PCDHGA12: variants seen among roughly 807,000 people sequenced by gnomAD.
PCDHGA12 encodes the protein protocadherin gamma subfamily A, 12.
Under a neutral mutation model 61.1 loss-of-function variants are expected in PCDHGA12, and 43 were observed. The ratio of observed to expected loss-of-function variants is 0.70; its 90% CI spans 0.55 to 0.91. PCDHGA12 has a LOEUF of 0.91. PCDHGA12 is among the 40% of genes least tolerant of loss of function. PCDHGA12 has a pLI of 0.00. For missense variants in PCDHGA12, 1,236 were observed against 1,227.7 expected (o/e 1.01, Z -0.10); for synonymous variants, 520 against 542.9 (o/e 0.96, Z 0.59).
In PCDHGA12 at chr5:141,432,172, C is replaced by G. The variant is rs562175068; in HGVS notation, c.1413C>G (p.Leu471=). Residue 471 remains leucine, a synonymous_variant, in exon 1 of 4, where the codon CTC becomes CTG. Transcript: ENST00000252085. This position sits in a 1 kb window ranked among gnomAD's most constrained non-coding sequence, Gnocchi z 6.0. ...AGAACAATCCCAGAGGAGTTTCCCTCGTCTCTGTGACCGCCCACGACCCCG... is the reference window on the plus strand; with the variant it reads ...AGAACAATCCCAGAGGAGTTTCCCTGGTCTCTGTGACCGCCCACGACCCCG... ...IPENNPRGVS[L]VSVTAHDPDC... is the part of the protein sequence containing the mutation. 9 of 1,614,034 alleles carry G rather than the reference C, an allele frequency of 5.6e-6. No homozygotes were observed. The highest frequency in any genetic ancestry group is 7.6e-6 in the Non-Finnish European group (9 of 1,180,046).
At chr5:141,478,644 T>G in intron 1 of PCDHGA12, 1 of 1,552,238 alleles carries the variant, frequency 6.4e-7, no homozygotes, top group South Asian at 1.2e-5. Context: ...GATGAAGATG[T>G]TTTCCTGGTG....
At chr5:141,449,948 C>T (rs1294423807) in intron 1 of PCDHGA12, among the ~76,000 whole-genome samples, 1 of 151,034 alleles carries the variant, frequency 6.6e-6, no homozygotes, top group Non-Finnish European at 1.5e-5. Context: ...TTTTACTATA[C>T]CTCATAGTAA....
chr5:141,486,211 T>C lies in PCDHGA12; in HGVS notation c.2425-8596T>C, dbSNP rs779905477. On this transcript the variant is annotated intron_variant, in intron 1 of 3. Coordinates refer to ENST00000252085, the MANE Select transcript of PCDHGA12 (RefSeq NM_003735.3). The surrounding 1 kb of genome is among the most constrained non-coding windows in gnomAD (Gnocchi z 5.0). ...TGGATCTGCTGGACGTAAATGACAA[T>C]GCCCCTTACATCACAGTGACCTCAG... 6.2e-7 allele frequency: 1 copy of C among 1,614,142 alleles called. No homozygotes were observed. Among genetic ancestry groups the C allele is most frequent in the Non-Finnish European group, 8.5e-7 (1 of 1,180,024 alleles).
Position 141,476,383 on chromosome 5 carries a change from C to T in PCDHGA12, c.2425-18424C>T, listed in dbSNP as rs547854431. The T allele has an allele frequency of 6.2e-7, 1 of 1,613,984 alleles. No homozygotes were observed. The highest frequency in any genetic ancestry group is 8.5e-7 in the Non-Finnish European group (1 of 1,180,044). On this transcript the variant is annotated intron_variant, in intron 1 of 3. Coordinates refer to ENST00000252085, the MANE Select transcript of PCDHGA12 (RefSeq NM_003735.3). This position sits in a 1 kb window ranked among gnomAD's most constrained non-coding sequence, Gnocchi z 7.6. ...GGGAGACCGGAGAGATGTTTGTGAA[C>T]GACCGTCTGGATCGAGAGGAGCTGT...
At position 141,487,339 on chromosome 5, in the gene PCDHGA12, A is replaced by T; in HGVS notation, c.2425-7468A>T. On this transcript the variant is annotated intron_variant, in intron 1 of 3. Coordinates refer to ENST00000252085, the MANE Select transcript of PCDHGA12 (RefSeq NM_003735.3). The surrounding 1 kb of genome is among the most constrained non-coding windows in gnomAD (Gnocchi z 5.0). ...AGTGTCTTCGTGGGGCAGCCTGTGG[A>T]GTCACATGCTTTCCTGCTGGCACCT... The T allele has an allele frequency of 1.9e-6, 3 of 1,614,096 alleles. No individual in the cohort carries two copies. Among genetic ancestry groups the T allele is most frequent in the Non-Finnish European group, 2.5e-6 (3 of 1,180,000 alleles).
Position 141,486,443 on chromosome 5 carries a change from A to G in PCDHGA12, c.2425-8364A>G, listed in dbSNP as rs747419698. Reference sequence around the variant, plus strand: ...AGAGGCCAAATCTAGCTATGACATCATGGTCACTGCTTCTGATGCTGGGAA... The same window carrying G: ...AGAGGCCAAATCTAGCTATGACATCGTGGTCACTGCTTCTGATGCTGGGAA... On this transcript the variant is annotated intron_variant, in intron 1 of 3. Transcript: ENST00000252085. The surrounding 1 kb of genome is among the most constrained non-coding windows in gnomAD (Gnocchi z 5.0). The G allele has an allele frequency of 1.9e-6, 3 of 1,614,060 alleles. No individual in the cohort carries two copies. Among genetic ancestry groups the G allele is most frequent in the South Asian group, 2.2e-5 (2 of 91,080 alleles).
At chr5:141,475,282 G>C (rs942761003) in intron 1 of PCDHGA12, among the ~76,000 whole-genome samples, 2 of 152,150 alleles carry the variant, frequency 1.3e-5, no homozygotes, top group African/African-American at 4.8e-5. Context: ...TGAAAGACAG[G>C]GTAGGGAAAT....
Position 141,489,323 on chromosome 5 carries a change from C to T in PCDHGA12, c.2425-5484C>T, listed in dbSNP as rs746520513. 1 of 1,601,632 alleles carries T rather than the reference C, an allele frequency of 6.2e-7. No individual in the cohort carries two copies. Among genetic ancestry groups the T allele is most frequent in the Non-Finnish European group, 8.5e-7 (1 of 1,172,950 alleles). ...TCCTTGTGCTGCTGGGGCTGGGTGT[C>T]TGGGCAGCTTCGTTACTCAGTGGTG... On this transcript the variant is annotated intron_variant, in intron 1 of 3. Coordinates refer to ENST00000252085, the MANE Select transcript of PCDHGA12 (RefSeq NM_003735.3). The surrounding 1 kb of genome is among the most constrained non-coding windows in gnomAD (Gnocchi z 4.5).
intron 1 of PCDHGA12, among the ~76,000 whole-genome samples, chr5:141,492,632 C>T (rs1359761285): frequency 1.3e-5 from 2 of 152,256 alleles, no homozygotes; most frequent in Admixed American, 1.3e-4. Context: ...CAGGACTCTA[C>T]GATCCTTGGG....
At chr5:141,462,540 TTTC>T (rs2099042260) in intron 1 of PCDHGA12, among the ~76,000 whole-genome samples, 1 of 152,204 alleles carries the variant, frequency 6.6e-6, no homozygotes, top group East Asian at 1.9e-4. Flanking sequence ...TCAGTGATCT[TTTC>T]TTCTTCAGTG....
chr5:141,437,945 C>A (rs1204633193), intron 1 of PCDHGA12, among the ~76,000 whole-genome samples: 1 of 152,112 alleles, frequency 6.6e-6, no homozygotes, highest in Non-Finnish European at 1.5e-5. Flanking sequence ...ACCATATTGG[C>A]CAGAATGGTC....
chr5:141,450,826 A>ATTTTT (rs764729742), intron 1 of PCDHGA12, among the ~76,000 whole-genome samples: 2 of 134,302 alleles, frequency 1.5e-5, no homozygotes, highest in African/African-American at 2.9e-5. Flanking sequence ...TATTATTATT[A>ATTTTT]TTATTTTTTT....
rs146734417 is a variant in PCDHGA12, at chr5:141,431,409, G to T, written c.650G>T (p.Gly217Val). The T allele has an allele frequency of 1.9e-6, 3 of 1,613,722 alleles. No homozygotes were observed. Among genetic ancestry groups the T allele is most frequent in the Non-Finnish European group, 2.5e-6 (3 of 1,180,048 alleles). The change falls in exon 1 of 4, where the codon GGG becomes GTG. Residue 217 changes from glycine (G) to valine (V), a missense_variant. Gly to Val is a moderately radical substitution (Grantham distance 109, BLOSUM62 -3). Transcript: ENST00000252085. This position sits in a 1 kb window ranked among gnomAD's most constrained non-coding sequence, Gnocchi z 4.8. The part of the protein sequence containing the change: ...AHHLVLTASD[G>V]GDPVRTGTAR... Reference sequence around the variant, plus strand: ...CACCTGGTCCTTACGGCCTCCGACGGGGGCGACCCGGTGCGCACAGGCACC... The same window carrying T: ...CACCTGGTCCTTACGGCCTCCGACGTGGGCGACCCGGTGCGCACAGGCACC...
At chr5:141,496,402 G>T (rs551923899) in intron 2 of PCDHGA12, among the ~76,000 whole-genome samples, 183 of 152,248 alleles carry the variant, frequency 1.2e-3, no homozygotes, top group African/African-American at 4.0e-3. Flanking sequence ...CCTCCTCAAT[G>T]GTTGAGTACT....
At chr5:141,510,860 G>A (rs1274817106) in intron 3 of PCDHGA12, 87 bp from the exon 4 acceptor site, 11 of 1,606,558 alleles carry the variant, frequency 6.8e-6, no homozygotes, top group South Asian at 4.4e-5. Context: ...GTGCTGTATA[G>A]GCATTCATTA....
intron 1 of PCDHGA12, among the ~76,000 whole-genome samples, chr5:141,492,418 C>T (rs1428695013): frequency 2.0e-5 from 3 of 152,236 alleles, no homozygotes; most frequent in Admixed American, 1.3e-4. Flanking sequence ...CCGCTCCCTC[C>T]GCCGGGCTCA....
Position 141,512,160 on chromosome 5 carries a change from G to A in PCDHGA12, c.*987G>A, listed in dbSNP as rs1227447365. On this transcript the variant is annotated 3_prime_UTR_variant, in exon 4 of 4. Coordinates refer to ENST00000252085, the MANE Select transcript of PCDHGA12 (RefSeq NM_003735.3). ...CAGCCAGCTTTGGGCTGAGCTAACA[G>A]GACCAATGGATTAAACTGGCATTTC... 1 of 152,730 alleles carries A rather than the reference G, an allele frequency of 6.5e-6. No individual in the cohort carries two copies. Among genetic ancestry groups the A allele is most frequent in the African/African-American group, 2.4e-5 (1 of 41,456 alleles). The allele number at this position is 152,730 out of a possible 1,614,324, so 9.5% of individuals were successfully genotyped here.
At chr5:141,444,864 A>G (rs1304165078) in intron 1 of PCDHGA12, among the ~76,000 whole-genome samples, 1 of 152,210 alleles carries the variant, frequency 6.6e-6, no homozygotes, top group African/African-American at 2.4e-5. Context: ...GTCTTACTAC[A>G]GGACAAAGCT....
chr5:141,467,268 G>C lies in PCDHGA12; in HGVS notation c.2425-27539G>C, dbSNP rs1195615721. On this transcript the variant is annotated intron_variant, in intron 1 of 3. Transcript: ENST00000252085. The stretch of plus-strand genomic sequence containing the variant: ...GGGTTTCACCATGTTGGCCAGGCTG[G>C]TCTCGAACTCTTGACCTCAAGTGAT... Among the ~76,000 whole-genome samples, 3 of 152,030 alleles carry C rather than the reference G, an allele frequency of 2.0e-5. No homozygotes were observed. The South Asian group carries it at 6.2e-4, about 32-fold the overall frequency.
Sources: allele counts gnomAD v4.1 joint callset (sites outside exome capture counted in the v4.1 genomes callset), GRCh38; gene constraint gnomAD v4.1.1; non-coding constraint Gnocchi (gnomAD v3.1); transcripts MANE v1.5; gene names NCBI Gene and HGNC (gene_info 2026-07-23, HGNC 2026-07-21).